TTC7B: variants seen among roughly 807,000 people sequenced by gnomAD.
The protein encoded by TTC7B is tetratricopeptide repeat domain 7B.
A neutral mutation model predicts 106.8 loss-of-function variants in TTC7B; 28 were observed. That is an observed-to-expected ratio of 0.26 (90% CI 0.19 to 0.36). TTC7B has a LOEUF of 0.36. TTC7B is among the 10% of genes least tolerant of loss of function. The pLI is 1.00. For missense variants in TTC7B, 862 were observed against 1,076.4 expected, an observed-to-expected ratio of 0.80 and a Z score of 2.79; for synonymous variants, 405 against 430.6, an observed-to-expected ratio of 0.94 and a Z score of 0.74.
chr14:90,588,439 G>A lies in TTC7B; in HGVS notation c.2107+5047C>T, dbSNP rs577903150. On this transcript the variant is annotated intron_variant, in intron 18 of 19. Transcript: ENST00000328459. ...TCATTTTTAGCTGCCATCCCAAGGT[G>A]GAAATTGAAAAATGGGCACCAAGAA... 2.0e-5 allele frequency among the ~76,000 whole-genome samples: 3 copies of A among 152,320 alleles called. No individual in the cohort carries two copies. The South Asian group carries it at 6.2e-4, about 32-fold the overall frequency.
In TTC7B at chr14:90,800,202, G is replaced by A. The variant is rs1235121657; in HGVS notation, c.122-13874C>T. ...GGACCCAGGGTGGGGCTGGAGGCAA[G>A]GCTACAAATGGTTAGGAGGTAGTAG... is the stretch of plus-strand genomic sequence containing the variant. On this transcript the variant is annotated intron_variant, in intron 1 of 19. Coordinates refer to ENST00000328459, the MANE Select transcript of TTC7B (RefSeq NM_001010854.2). Among the ~76,000 whole-genome samples the A allele has an allele frequency of 2.0e-5, 3 of 152,160 alleles. No individual in the cohort carries two copies. In the East Asian group the frequency reaches 5.8e-4, roughly 29 times the overall value.
At chr14:90,728,846 A>G (rs999912226) in intron 5 of TTC7B, among the ~76,000 whole-genome samples, 1 of 152,262 alleles carries the variant, frequency 6.6e-6, no homozygotes, top group Non-Finnish European at 1.5e-5. Context: ...CTCCTCCGTG[A>G]TGACCACCAT....
chr14:90,544,873 G>A (rs1889759216), intron 19 of TTC7B, among the ~76,000 whole-genome samples: 1 of 152,166 alleles, frequency 6.6e-6, no homozygotes, highest in African/African-American at 2.4e-5. Context: ...GCATGCTTCT[G>A]GCAAATAGGT....
chr14:90,707,136 G>A (rs1026378229), intron 5 of TTC7B, among the ~76,000 whole-genome samples: 7 of 152,080 alleles, frequency 4.6e-5, no homozygotes, highest in South Asian at 2.1e-4. Flanking sequence ...GCTTTATTCC[G>A]TGTTATATGA....
chr14:90,666,270 T>G (rs944995759), intron 9 of TTC7B, among the ~76,000 whole-genome samples: 5 of 152,226 alleles, frequency 3.3e-5, no homozygotes, highest in African/African-American at 1.2e-4. Flanking sequence ...CAAGTGATTC[T>G]CCTGCCTCAG....
chr14:90,809,708 G>A (rs1160788334), intron 1 of TTC7B, among the ~76,000 whole-genome samples: 2 of 152,356 alleles, frequency 1.3e-5, no homozygotes, highest in Non-Finnish European at 2.9e-5. Flanking sequence ...CATGAAAGCC[G>A]AGCCAATTCA....
intron 17 of TTC7B, among the ~76,000 whole-genome samples, chr14:90,606,945 T>C (rs1892664291): frequency 6.6e-6 from 1 of 152,162 alleles, no homozygotes; most frequent in Admixed American, 6.5e-5. Context: ...AATAGTATTG[T>C]AGTTATATAT....
intron 5 of TTC7B, among the ~76,000 whole-genome samples, chr14:90,715,423 TC>T (rs1432888209): frequency 6.6e-6 from 1 of 152,138 alleles, no homozygotes; most frequent in African/African-American, 2.4e-5. Flanking sequence ...TTCTTGCCTT[TC>T]CCTCTATGGG....
chr14:90,768,459 C>T (rs541621978), intron 3 of TTC7B, among the ~76,000 whole-genome samples: 79 of 152,188 alleles, frequency 5.2e-4, no homozygotes, highest in African/African-American at 1.8e-3. Context: ...TGGGGAAAAC[C>T]GTACCCATGA....
rs997256558 is a variant in TTC7B at position 90,759,926 on chromosome 14, A to T, written c.446-15004T>A. Reference sequence around the variant, plus strand: ...TGCAGGGAGATAAAGCAGGCAGCTTAGATATGACACAGCCTCAACACCCAA... The same window carrying T: ...TGCAGGGAGATAAAGCAGGCAGCTTTGATATGACACAGCCTCAACACCCAA... On this transcript the variant is annotated intron_variant, in intron 3 of 19. Transcript: ENST00000328459. This position sits in a 1 kb window ranked among gnomAD's most constrained non-coding sequence, Gnocchi z 4.1. Among the ~76,000 whole-genome samples, 2 of 152,246 alleles carry T rather than the reference A, an allele frequency of 1.3e-5. No homozygotes were observed. Among genetic ancestry groups the T allele is most frequent in the Non-Finnish European group, 1.5e-5 (1 of 68,038 alleles).
chr14:90,749,330 G>A (rs566967052), intron 3 of TTC7B, among the ~76,000 whole-genome samples: 3 of 151,636 alleles, frequency 2.0e-5, no homozygotes, highest in African/African-American at 4.8e-5. Flanking sequence ...GGGACTTTAC[G>A]CACATATTAG....
At chr14:90,702,730 A>T (rs1178393983) in intron 5 of TTC7B, among the ~76,000 whole-genome samples, 1 of 152,220 alleles carries the variant, frequency 6.6e-6, no homozygotes, top group African/African-American at 2.4e-5. Context: ...GGTCTGGCTC[A>T]CAATGACAAA....
Position 90,730,116 on chromosome 14 carries a change from T to G in TTC7B, c.657A>C (p.Glu219Asp). The change falls in exon 5 of 20, where the codon GAA becomes GAC. Residue 219 changes from glutamate to aspartate, a missense_variant. Transcript: ENST00000328459. ...GGACATGGGCTCTCTGAAGTCCTGT[T>G]TCTAGGAAAAAACCTAGTTCTTGAT... Reference protein sequence around the residue: ...PHDQELGFFLETGLQRAHVLY... With the variant: ...PHDQELGFFLDTGLQRAHVLY... 6.2e-7 allele frequency: 1 copy of G among 1,613,846 alleles called. No homozygotes were observed. Among genetic ancestry groups the G allele is most frequent in the African/African-American group, 1.3e-5 (1 of 75,024 alleles).
chr14:90,778,876 G>A (rs1040576726), intron 3 of TTC7B, among the ~76,000 whole-genome samples: 6 of 152,236 alleles, frequency 3.9e-5, no homozygotes, highest in Admixed American at 1.3e-4. Context: ...AGGGAACTGG[G>A]TGAATATATC....
intron 14 of TTC7B, among the ~76,000 whole-genome samples, chr14:90,646,408 C>T (rs766356622): frequency 4.6e-5 from 7 of 152,244 alleles, no homozygotes; most frequent in Admixed American, 1.3e-4. Context: ...ACTTGCCCCT[C>T]CCGCAAGGAG....
intron 4 of TTC7B, among the ~76,000 whole-genome samples, chr14:90,740,737 G>A (rs1889729606): frequency 6.6e-6 from 1 of 151,960 alleles, no homozygotes; most frequent in Non-Finnish European, 1.5e-5. Context: ...CCTGACATCA[G>A]GTGATCCGCC....
intron 15 of TTC7B, among the ~76,000 whole-genome samples, chr14:90,631,834 T>C (rs1192262401): frequency 1.3e-5 from 2 of 152,214 alleles, no homozygotes; most frequent in East Asian, 1.9e-4. Flanking sequence ...TGGTATCTCA[T>C]TGTGGTTTTG....
chr14:90,567,657 C>A (rs1890854415), intron 19 of TTC7B: 1 of 152,274 alleles, frequency 6.6e-6, no homozygotes, highest in Non-Finnish European at 1.5e-5. Flanking sequence ...GGACATGAAA[C>A]CTTCAAAAGC....
chr14:90,715,548 A>C (rs1430275572), intron 5 of TTC7B, among the ~76,000 whole-genome samples: 1 of 152,190 alleles, frequency 6.6e-6, no homozygotes, highest in African/African-American at 2.4e-5. Context: ...TACTCTCTAA[A>C]TCAGCCTAAT....
Sources: allele counts gnomAD v4.1 joint callset (sites outside exome capture counted in the v4.1 genomes callset), GRCh38; gene constraint gnomAD v4.1.1; non-coding constraint Gnocchi (gnomAD v3.1); transcripts MANE v1.5; gene names NCBI Gene and HGNC (gene_info 2026-07-23, HGNC 2026-07-21).